NCAM1: variants seen among roughly 807,000 people sequenced by gnomAD.
NCAM1 encodes antigen recognized by monoclonal antibody 5.1H11.
A neutral mutation model predicts 109.8 loss-of-function variants in NCAM1; 14 were observed. That is an observed-to-expected ratio of 0.13 (90% CI 0.08 to 0.20). The LOEUF is 0.20. Ranked by LOEUF, NCAM1 falls within the 10% of genes least tolerant of loss-of-function variation. The pLI is 1.00. For missense variants in NCAM1, 774 were observed against 1,109.9 expected (o/e 0.70, Z 4.30); for synonymous variants, 418 against 442.9 (o/e 0.94, Z 0.70).
chr11:113,167,096 T>C (rs1350013051), intron 1 of NCAM1, among the ~76,000 whole-genome samples: 3 of 152,162 alleles, frequency 2.0e-5, no homozygotes, highest in Non-Finnish European at 4.4e-5. Context: ...CTCACTACAC[T>C]GACTAGAAAG....
chr11:113,108,769 A>T (rs1555093027), intron 1 of NCAM1, among the ~76,000 whole-genome samples: 1 of 143,588 alleles, frequency 7.0e-6, no homozygotes, highest in Non-Finnish European at 1.5e-5. Context: ...CATCCCTTGA[A>T]GGTTTTTTTT....
intron 15 of NCAM1, among the ~76,000 whole-genome samples, chr11:113,247,066 AC>A (rs1277981950): frequency 6.6e-6 from 1 of 152,156 alleles, no homozygotes; most frequent in Non-Finnish European, 1.5e-5. Flanking sequence ...CACATGATTG[AC>A]CCTTGCAGCA....
intron 1 of NCAM1, among the ~76,000 whole-genome samples, chr11:113,152,222 G>T (rs1414555963): frequency 6.6e-6 from 1 of 152,250 alleles, no homozygotes; most frequent in African/African-American, 2.4e-5. Flanking sequence ...TGTACCCCAT[G>T]TGTGGGGCAT....
At chr11:113,193,011 C>G (rs375036686) in intron 1 of NCAM1, among the ~76,000 whole-genome samples, 1 of 152,332 alleles carries the variant, frequency 6.6e-6, no homozygotes, top group Admixed American at 6.5e-5. Context: ...GCAGGACATT[C>G]CTGCCTTCAC....
At chr11:113,033,733 G>A (rs1057478965) in intron 1 of NCAM1, among the ~76,000 whole-genome samples, 1 of 152,240 alleles carries the variant, frequency 6.6e-6, no homozygotes, top group South Asian at 2.1e-4. Flanking sequence ...TTTTTAATTA[G>A]TTAATATGCA....
Position 113,030,581 on chromosome 11 carries a change from C to T in NCAM1, c.52+68917C>T, listed in dbSNP as rs563910401. Among the ~76,000 whole-genome samples the T allele has an allele frequency of 9.2e-5, 14 of 152,242 alleles. No homozygotes were observed. The South Asian group carries it at 2.7e-3, about 29-fold the overall frequency. On this transcript the variant is annotated intron_variant, in intron 1 of 19. Transcript: ENST00000316851. ...TTTTTTGGTGAGATTATCAATCTCA[C>T]TGGAAAACAAGAAGGGTCTGCAGAT...
chr11:113,188,713 G>A (rs1252227109), intron 1 of NCAM1, among the ~76,000 whole-genome samples: 2 of 152,174 alleles, frequency 1.3e-5, no homozygotes, highest in East Asian at 1.9e-4. Context: ...AAGGAACCCA[G>A]TTTTGCCTGG....
chr11:113,080,061 G>A (rs964191520), intron 1 of NCAM1, among the ~76,000 whole-genome samples: 6 of 152,280 alleles, frequency 3.9e-5, no homozygotes, highest in Admixed American at 1.3e-4. Context: ...ACAGAGAACC[G>A]TCTGAGATAT....
chr11:113,232,954 C>A, intron 12 of NCAM1, 140 bp downstream of exon 12: 1 of 980,584 alleles, frequency 1.0e-6, no homozygotes, highest in Non-Finnish European at 1.5e-6. Flanking sequence ...AGTTGGGAAG[C>A]TGGGAGCCAT....
In NCAM1 at chr11:113,273,655, C is replaced by T; in HGVS notation, c.2457-1612C>T. The T allele has an allele frequency of 2.2e-6, 1 of 456,210 alleles. No individual in the cohort carries two copies. The highest frequency in any genetic ancestry group is 4.4e-6 in the Non-Finnish European group (1 of 226,624). The allele number at this position is 456,210 out of a possible 1,614,324, so 28.3% of individuals were successfully genotyped here. On this transcript the variant is annotated intron_variant, in intron 19 of 19. Coordinates refer to ENST00000316851, the MANE Select transcript of NCAM1 (RefSeq NM_181351.5). This position sits in a 1 kb window ranked among gnomAD's most constrained non-coding sequence, Gnocchi z 6.0. Reference sequence around the variant, plus strand: ...AAGGATGTTTTTGCAGCCCTGGGCTCTCCTGCTCCCGCCGCTGGGGCCAGT... The same window carrying T: ...AAGGATGTTTTTGCAGCCCTGGGCTTTCCTGCTCCCGCCGCTGGGGCCAGT...
intron 1 of NCAM1, among the ~76,000 whole-genome samples, chr11:113,112,247 C>T (rs1377647549): frequency 2.6e-5 from 4 of 152,180 alleles, no homozygotes; most frequent in African/African-American, 4.8e-5. Context: ...TAAAAACAAA[C>T]TTCTCTTTCT....
At position 113,204,389 on chromosome 11, in the gene NCAM1, C is replaced by T; in HGVS notation, c.231C>T (p.Ser77=). Residue 77 remains serine, a synonymous_variant, in exon 3 of 20, where the codon TCC becomes TCT. Transcript: ENST00000316851. ...TCTCAGTGGTGTGGAATGATGATTCCTCCTCCACCCTCACCATCTATAACG... is the reference window on the plus strand; with the variant it reads ...TCTCAGTGGTGTGGAATGATGATTCTTCCTCCACCCTCACCATCTATAACG... ...QRISVVWNDD[S]SSTLTIYNAN... 2 of 1,614,010 alleles carry T rather than the reference C, an allele frequency of 1.2e-6. No homozygotes were observed. Among genetic ancestry groups the T allele is most frequent in the Non-Finnish European group, 1.7e-6 (2 of 1,179,884 alleles).
At chr11:113,257,412 G>A (rs1555122524) in intron 16 of NCAM1, among the ~76,000 whole-genome samples, 2 of 152,212 alleles carry the variant, frequency 1.3e-5, no homozygotes, top group African/African-American at 2.4e-5. Context: ...GGATAAAATA[G>A]CTTATTGAGT....
intron 1 of NCAM1, among the ~76,000 whole-genome samples, chr11:113,055,537 T>C (rs2509377): frequency 0.57 from 87,116 of 151,992 alleles, 26,183 homozygotes; most frequent in African/African-American, 0.71. Context: ...CATATTCCTT[T>C]TTCCCTTAAC....
chr11:113,109,204 C>T (rs1335734291), intron 1 of NCAM1, among the ~76,000 whole-genome samples: 3 of 151,256 alleles, frequency 2.0e-5, no homozygotes, highest in Non-Finnish European at 2.9e-5. Context: ...AAAAATTAAC[C>T]GGGCGTGGTG....
rs11606354 is a variant in NCAM1, at chr11:113,223,882, G to C, written c.1089+2557G>C. 3.1e-4 allele frequency among the ~76,000 whole-genome samples: 47 copies of C among 152,278 alleles called. No individual in the cohort carries two copies. The Middle Eastern group carries it at 0.01, about 33-fold the overall frequency. ...CCTGCAGGGATGGCCCCATGCTCTT[G>C]AGGCCACTAGTCTAGACTCACGGGT... On this transcript the variant is annotated intron_variant, in intron 9 of 19. Coordinates refer to ENST00000316851, the MANE Select transcript of NCAM1 (RefSeq NM_181351.5).
intron 1 of NCAM1, among the ~76,000 whole-genome samples, chr11:113,049,304 G>A (rs1555081410): frequency 6.6e-6 from 1 of 152,154 alleles, no homozygotes; most frequent in Non-Finnish European, 1.5e-5. Flanking sequence ...ACTCCAAGCT[G>A]TGATTCATCC....
At chr11:113,223,646 A>G (rs1205177968) in intron 9 of NCAM1, among the ~76,000 whole-genome samples, 6 of 152,156 alleles carry the variant, frequency 3.9e-5, no homozygotes, top group Admixed American at 6.5e-5. Flanking sequence ...CTTGACTTCC[A>G]GAAGAGTATT....
intron 1 of NCAM1, among the ~76,000 whole-genome samples, chr11:113,170,002 A>G: frequency 6.6e-6 from 1 of 152,054 alleles, no homozygotes; most frequent in East Asian, 1.9e-4. Context: ...AGGCATCTTC[A>G]TTTTCAAGTG....
Sources: allele counts gnomAD v4.1 joint callset (sites outside exome capture counted in the v4.1 genomes callset), GRCh38; gene constraint gnomAD v4.1.1; non-coding constraint Gnocchi (gnomAD v3.1); transcripts MANE v1.5; gene names NCBI Gene and HGNC (gene_info 2026-07-23, HGNC 2026-07-21).